TUBB: variants seen among roughly 807,000 people sequenced by gnomAD.
TUBB encodes tubulin beta class I, also known as tubulin beta chain.
Under a neutral mutation model 35.1 loss-of-function variants are expected in TUBB, and 2 were observed. That is an observed-to-expected ratio of 0.06 (90% CI 0.02 to 0.18). The LOEUF is 0.18. Among genes scored for constraint, TUBB ranks in the 10% least tolerant of loss-of-function variants. The pLI, the probability that TUBB is intolerant of heterozygous loss-of-function variation, is 1.00. For synonymous variants in TUBB, 205 were observed against 223.8 expected (o/e 0.92, Z 0.75); for missense variants, 50 against 599.4 (o/e 0.08, Z 9.57).
At chr6:30,721,558 T>C (rs1426296920) in intron 1 of TUBB, 23 of 984,980 alleles carry the variant, frequency 2.3e-5, no homozygotes, top group South Asian at 4.7e-5. Flanking sequence ...AAGTCTTTTG[T>C]CGGCGGCTCG....
In TUBB at chr6:30,724,680, C is replaced by A. The variant is rs1398578064; in HGVS notation, c.*283C>A. 2 of 445,036 alleles carry A rather than the reference C, an allele frequency of 4.5e-6. No individual in the cohort carries two copies. The highest frequency in any genetic ancestry group is 3.9e-6 in the Non-Finnish European group (1 of 253,574). 27.6% of individuals were successfully genotyped at this position (445,036 alleles called of 1,614,324 possible). A position where few individuals can be genotyped will look rare whatever the true frequency, so the allele number is the denominator to read the frequency against. ...CATTCCATTTGTCCAGTTAATACTT[C>A]CTCTTAAAAATCTCCAAGAAGCTGG... On this transcript the variant is annotated 3_prime_UTR_variant, in exon 4 of 4. Coordinates refer to ENST00000327892, the MANE Select transcript of TUBB (RefSeq NM_178014.4). This position sits in a 1 kb window ranked among gnomAD's most constrained non-coding sequence, Gnocchi z 4.4.
intron 2 of TUBB, 114 bp downstream of exon 2, chr6:30,722,759 C>A: frequency 8.6e-7 from 1 of 1,164,952 alleles, no homozygotes; most frequent in South Asian, 1.4e-5. Context: ...GTCATTTTGT[C>A]CCTTTCGTGA....
At chr6:30,722,684 T>A in intron 2 of TUBB, 39 bp downstream of exon 2, 1 of 1,508,934 alleles carries the variant, frequency 6.6e-7, no homozygotes, top group Non-Finnish European at 9.2e-7. Context: ...TTCCCTTCCC[T>A]GTCTCCCACT....
chr6:30,724,984 A>C lies in TUBB; in HGVS notation c.*587A>C, dbSNP rs527252992. 6.5e-6 allele frequency: 1 copy of C among 153,408 alleles called. No individual in the cohort carries two copies. The highest frequency in any genetic ancestry group is 1.4e-5 in the Non-Finnish European group (1 of 69,116). 9.5% of individuals were successfully genotyped at this position (153,408 alleles called of 1,614,324 possible). On this transcript the variant is annotated 3_prime_UTR_variant, in exon 4 of 4. Transcript: ENST00000327892. The surrounding 1 kb of genome is among the most constrained non-coding windows in gnomAD (Gnocchi z 4.4). The stretch of plus-strand genomic sequence containing the variant: ...CTCCCTCCAAGCTCTACTCTGGAGG[A>C]GTCTGTCCCACTCTGTCAAGTGGAA...
intron 1 of TUBB, chr6:30,721,659 C>T: frequency 2.0e-6 from 2 of 985,450 alleles, no homozygotes; most frequent in Non-Finnish European, 2.4e-6. Flanking sequence ...CTTTTGTGCG[C>T]CGCGCGGTGG....
At chr6:30,723,085 G>A (rs1776404907) in intron 3 of TUBB, 57 bp downstream of exon 3, 6 of 1,399,900 alleles carry the variant, frequency 4.3e-6, no homozygotes, top group Admixed American at 3.7e-5. Flanking sequence ...ACTTATTTGG[G>A]TGCAAGGACA....
In TUBB at chr6:30,720,372, T is replaced by A; in HGVS notation, c.-135T>A. 1.2e-6 allele frequency: 1 copy of A among 816,980 alleles called. No individual in the cohort carries two copies. Among genetic ancestry groups the A allele is most frequent in the Non-Finnish European group, 2.1e-6 (1 of 476,384 alleles). The allele number at this position is 816,980 out of a possible 1,614,324, so 50.6% of individuals were successfully genotyped here. A position where few individuals can be genotyped will look rare whatever the true frequency, so the allele number is the denominator to read the frequency against. On this transcript the variant is annotated 5_prime_UTR_variant, in exon 1 of 4. Transcript: ENST00000327892. The stretch of plus-strand genomic sequence containing the variant: ...TCTCCCTCTCAGAACCTTCCTGCCG[T>A]CGCGTTTGCACCTCGCTGCTCCAGC...
chr6:30,721,366 G>A (rs980635070), intron 1 of TUBB, among the ~76,000 whole-genome samples: 1 of 147,640 alleles, frequency 6.8e-6, no homozygotes, highest in African/African-American at 2.4e-5. Flanking sequence ...ACAGTGTAGC[G>A]GGGGAGGGGC....
At chr6:30,723,220 A>G (rs1189850325) in intron 3 of TUBB, 120 bp from the exon 4 acceptor site, 5 of 983,058 alleles carry the variant, frequency 5.1e-6, no homozygotes, top group East Asian at 2.6e-5. Flanking sequence ...GGGGGAGAAT[A>G]TATCACAGTG....
At chr6:30,723,307 G>T in intron 3 of TUBB, 33 bp from the exon 4 acceptor site, 1 of 1,523,986 alleles carries the variant, frequency 6.6e-7, no homozygotes, top group Admixed American at 1.9e-5. Flanking sequence ...TCCATACCCT[G>T]TTAATTGAGC....
chr6:30,721,739 A>G, intron 1 of TUBB: 9 of 984,504 alleles, frequency 9.1e-6, no homozygotes, highest in Non-Finnish European at 1.1e-5. Flanking sequence ...CCGCCCACCG[A>G]GCACTTGGGA....
rs1253303140 is a variant in TUBB, at chr6:30,720,439, GA to G, written c.-60del. The G allele has an allele frequency of 4.5e-6, 7 of 1,538,564 alleles. No individual in the cohort carries two copies. Among genetic ancestry groups the G allele is most frequent in the East Asian group, 2.3e-5 (1 of 44,320 alleles). ...AACCTTCCAGCCTGCGACCTGCGGAGAAAAAAAATTACTTATTTTCTTGCCC... is the reference window on the plus strand; with the variant it reads ...AACCTTCCAGCCTGCGACCTGCGGAGAAAAAAATTACTTATTTTCTTGCCC... On this transcript the variant is annotated 5_prime_UTR_variant, in exon 1 of 4. Transcript: ENST00000327892.
chr6:30,720,392 T>C lies in TUBB; in HGVS notation c.-115T>C. The stretch of plus-strand genomic sequence containing the variant: ...TGCCGTCGCGTTTGCACCTCGCTGC[T>C]CCAGCCTCTGGGGCGCATTCCAACC... On this transcript the variant is annotated 5_prime_UTR_variant, in exon 1 of 4. Coordinates refer to ENST00000327892, the MANE Select transcript of TUBB (RefSeq NM_178014.4). 2.0e-6 allele frequency: 2 copies of C among 1,012,084 alleles called. No individual in the cohort carries two copies. Among genetic ancestry groups the C allele is most frequent in the Non-Finnish European group, 3.1e-6 (2 of 645,010 alleles). 62.7% of individuals were successfully genotyped at this position (1,012,084 alleles called of 1,614,324 possible).
chr6:30,723,590 T>A lies in TUBB; in HGVS notation c.528T>A (p.Ser176=), dbSNP rs1181596285. The A allele has an allele frequency of 6.2e-7, 1 of 1,614,264 alleles. No homozygotes were observed. The highest frequency in any genetic ancestry group is 2.2e-5 in the East Asian group (1 of 44,890). ...TFSVVPSPKV[S]DTVVEPYNAT... is the part of the protein sequence containing the mutation. Reference sequence around the variant, plus strand: ...GTGTGGTGCCTTCACCCAAAGTGTCTGACACCGTGGTCGAGCCCTACAATG... The same window carrying A: ...GTGTGGTGCCTTCACCCAAAGTGTCAGACACCGTGGTCGAGCCCTACAATG... The change falls in exon 4 of 4, where the codon TCT becomes TCA. Residue 176 remains serine, a synonymous_variant. Coordinates refer to ENST00000327892, the MANE Select transcript of TUBB (RefSeq NM_178014.4).
At chr6:30,723,289 A>G in intron 3 of TUBB, 51 bp from the exon 4 acceptor site, 5 of 1,397,490 alleles carry the variant, frequency 3.6e-6, no homozygotes, top group Non-Finnish European at 4.9e-6. Flanking sequence ...TGGAAACATC[A>G]TGTATCTTCC....
intron 3 of TUBB, 134 bp from the exon 4 acceptor site, chr6:30,723,206 A>G: frequency 1.1e-6 from 1 of 930,296 alleles, no homozygotes; most frequent in Non-Finnish European, 1.6e-6. Flanking sequence ...ATTATGGGGC[A>G]GTAGGGGGAG....
At position 30,724,169 on chromosome 6, in the gene TUBB, C is replaced by T. The variant is rs770452287; in HGVS notation, c.1107C>T (p.Gly369=). Residue 369 remains glycine (G), a synonymous_variant, in exon 4 of 4, where the codon GGC becomes GGT. Transcript: ENST00000327892. This position sits in a 1 kb window ranked among gnomAD's most constrained non-coding sequence, Gnocchi z 4.4. The part of the protein sequence containing the change: ...RGLKMAVTFI[G]NSTAIQELFK... ...TCAAGATGGCAGTCACCTTCATTGGCAATAGCACAGCCATCCAGGAGCTCT... is the reference window on the plus strand; with the variant it reads ...TCAAGATGGCAGTCACCTTCATTGGTAATAGCACAGCCATCCAGGAGCTCT... The T allele has an allele frequency of 1.2e-6, 2 of 1,614,098 alleles. No homozygotes were observed. The highest frequency in any genetic ancestry group is 3.3e-5 in the Admixed American group (2 of 60,016).
rs774570416 is a variant in TUBB, at chr6:30,722,943, C to T, written c.192C>T (p.Ile64=). Residue 64 remains isoleucine (I), a synonymous_variant, in exon 3 of 4, where the codon ATC becomes ATT. Coordinates refer to ENST00000327892, the MANE Select transcript of TUBB (RefSeq NM_178014.4). ...ATGGKYVPRA[I]LVDLEPGTMD... ...GTGGCAAATATGTTCCTCGTGCCAT[C>T]CTGGTGGATCTAGAACCTGGGACCA... is the stretch of plus-strand genomic sequence containing the variant. 3.5e-5 allele frequency: 57 copies of T among 1,612,564 alleles called. No individual in the cohort carries two copies. The highest frequency in any genetic ancestry group is 4.7e-5 in the Non-Finnish European group (56 of 1,179,696).
Position 30,723,983 on chromosome 6 carries a change from C to T in TUBB, c.921C>T (p.His307=), listed in dbSNP as rs1484233891. Residue 307 remains histidine (H), a synonymous_variant, in exon 4 of 4, where the codon CAC becomes CAT. Coordinates refer to ENST00000327892, the MANE Select transcript of TUBB (RefSeq NM_178014.4). The part of the protein sequence containing the change: ...KNMMAACDPR[H]GRYLTVAAVF... ...TGATGGCTGCCTGTGACCCCCGCCA[C>T]GGCCGATACCTCACCGTGGCTGCTG... is the stretch of plus-strand genomic sequence containing the variant. 34 of 1,614,004 alleles carry T rather than the reference C, an allele frequency of 2.1e-5. No homozygotes were observed. The highest frequency in any genetic ancestry group is 2.7e-5 in the African/African-American group (2 of 74,924).
Sources: gnomAD v4.1 joint callset for allele counts (sites outside exome capture counted in the v4.1 genomes callset) on GRCh38, gnomAD v4.1.1 for gene constraint, Gnocchi (gnomAD v3.1) non-coding constraint, MANE v1.5 for transcripts, NCBI Gene and HGNC (gene_info 2026-07-23, HGNC 2026-07-21) for gene names.